Variants in CNTNAP2 observed in about 807,000 individuals in gnomAD.
CNTNAP2 encodes the protein contactin associated protein 2.
In CNTNAP2, 98 loss-of-function variants were observed where a neutral mutation model predicts 155.2. The ratio of observed to expected loss-of-function variants is 0.63; its 90% CI spans 0.54 to 0.75. The LOEUF is 0.75. Among genes scored for constraint, CNTNAP2 ranks in the 30% least tolerant of loss-of-function variants. CNTNAP2 has a pLI of 0.00. For missense variants in CNTNAP2, 1,727 were observed against 1,688.1 expected (o/e 1.02, Z -0.40); for synonymous variants, 651 against 631.2 (o/e 1.03, Z -0.47).
chr7:146,694,928 C>G (rs565048386), intron 1 of CNTNAP2, among the ~76,000 whole-genome samples: 25 of 152,252 alleles, frequency 1.6e-4, no homozygotes, highest in African/African-American at 5.8e-4. Flanking sequence ...AACTTTTGCA[C>G]ATTAACCTTG....
At chr7:146,746,424 A>G (rs1801811222) in intron 1 of CNTNAP2, among the ~76,000 whole-genome samples, 1 of 152,160 alleles carries the variant, frequency 6.6e-6, no homozygotes, top group African/African-American at 2.4e-5. Flanking sequence ...CAAGATCAGG[A>G]GAAAATTATA....
chr7:147,933,597 G>A (rs985982409), intron 14 of CNTNAP2, among the ~76,000 whole-genome samples: 9 of 152,172 alleles, frequency 5.9e-5, no homozygotes, highest in Admixed American at 2.6e-4. Flanking sequence ...GGGCGTGGTG[G>A]CTCACACCTG....
intron 1 of CNTNAP2, among the ~76,000 whole-genome samples, chr7:146,336,500 A>G (rs991456621): frequency 6.6e-6 from 1 of 151,964 alleles, no homozygotes; most frequent in African/African-American, 2.4e-5. Flanking sequence ...GCCTGCTGAC[A>G]TGTTCTTAGA....
chr7:148,105,589 T>A (rs10255471), intron 15 of CNTNAP2, among the ~76,000 whole-genome samples: 1,488 of 138,956 alleles, frequency 0.011, 19 homozygotes, highest in African/African-American at 0.047. Flanking sequence ...TTTTTTATTT[T>A]TTTTTTTTAT....
chr7:146,458,733 G>T (rs371233120), intron 1 of CNTNAP2, among the ~76,000 whole-genome samples: 3 of 152,252 alleles, frequency 2.0e-5, no homozygotes, highest in East Asian at 3.9e-4. Flanking sequence ...GGTGGGCTTT[G>T]AGTAAAGTAG....
At chr7:147,495,775 T>A (rs1798696181) in intron 11 of CNTNAP2, among the ~76,000 whole-genome samples, 1 of 152,176 alleles carries the variant, frequency 6.6e-6, no homozygotes, top group African/African-American at 2.4e-5. Flanking sequence ...ACAACTTATA[T>A]CCATTAGAAC....
At chr7:146,123,514 A>G (rs1184320540) in intron 1 of CNTNAP2, among the ~76,000 whole-genome samples, 1 of 152,180 alleles carries the variant, frequency 6.6e-6, no homozygotes, top group Non-Finnish European at 1.5e-5. Context: ...TGGAACATCT[A>G]AGATGGAATC....
intron 1 of CNTNAP2, among the ~76,000 whole-genome samples, chr7:146,121,842 ATAAG>A (rs1797568029): frequency 6.6e-6 from 1 of 152,182 alleles, no homozygotes; most frequent in South Asian, 2.1e-4. Context: ...TGCCATTTTA[ATAAG>A]TAAGAATAAT....
chr7:147,076,403 T>C (rs552905933), intron 4 of CNTNAP2, among the ~76,000 whole-genome samples: 61 of 152,314 alleles, frequency 4.0e-4, no homozygotes, highest in South Asian at 8.3e-4. Flanking sequence ...CATTTTTTCA[T>C]GTGTCTGTTG....
intron 9 of CNTNAP2, among the ~76,000 whole-genome samples, chr7:147,346,133 A>ATTT (rs1563168699): frequency 4.0e-5 from 2 of 49,902 alleles, no homozygotes; most frequent in African/African-American, 3.2e-4. Context: ...CGAAGATTTT[A>ATTT]TTTTATTTTA....
At chr7:146,828,196 C>T (rs11762685) in intron 2 of CNTNAP2, among the ~76,000 whole-genome samples, 1 of 151,846 alleles carries the variant, frequency 6.6e-6, no homozygotes, top group African/African-American at 2.4e-5. Context: ...AGGAAATGAC[C>T]AGACTCATTA....
intron 1 of CNTNAP2, among the ~76,000 whole-genome samples, chr7:146,310,383 T>A (rs528720062): frequency 6.6e-6 from 1 of 152,322 alleles, no homozygotes; most frequent in African/African-American, 2.4e-5. Flanking sequence ...AACTGAATTA[T>A]TTCTGATTCC....
intron 1 of CNTNAP2, among the ~76,000 whole-genome samples, chr7:146,497,690 T>C (rs895483965): frequency 1.3e-5 from 2 of 151,734 alleles, no homozygotes; most frequent in African/African-American, 4.8e-5. Flanking sequence ...ATTGAATATT[T>C]TTTGATGTGA....
In CNTNAP2 at chr7:148,415,953, A is replaced by G; in HGVS notation, c.*337A>G. ...TTCTAAAGACCCGTGGTAACAGGGC[A>G]AGTTTTCTACGTTTTTAAGAGCCCT... On this transcript the variant is annotated 3_prime_UTR_variant, in exon 24 of 24. Transcript: ENST00000361727. The G allele has an allele frequency of 3.1e-6, 1 of 322,986 alleles. No homozygotes were observed. The highest frequency in any genetic ancestry group is 5.6e-6 in the Non-Finnish European group (1 of 177,150). 20.0% of individuals were successfully genotyped at this position (322,986 alleles called of 1,614,324 possible).
rs1002802862 is a variant in CNTNAP2 at position 147,815,775 on chromosome 7, G to C, written c.2099-87790G>C. ...AACATGTTTTGAGTTGTTCTTCAAG[G>C]GTTCAATCCACGAATAGCTTGTATG... is the stretch of plus-strand genomic sequence containing the variant. On this transcript the variant is annotated intron_variant, in intron 13 of 23. Coordinates refer to ENST00000361727, the MANE Select transcript of CNTNAP2 (RefSeq NM_014141.6). Among the ~76,000 whole-genome samples, 4 of 152,074 alleles carry C rather than the reference G, an allele frequency of 2.6e-5. No individual in the cohort carries two copies. In the East Asian group the frequency reaches 7.7e-4, roughly 29 times the overall value.
At chr7:146,253,055 A>T (rs1348073093) in intron 1 of CNTNAP2, among the ~76,000 whole-genome samples, 3 of 152,194 alleles carry the variant, frequency 2.0e-5, no homozygotes, top group Non-Finnish European at 4.4e-5. Flanking sequence ...TAATAAAAGT[A>T]TTTTTATGAG....
chr7:147,385,412 C>T (rs1429157697), intron 9 of CNTNAP2, among the ~76,000 whole-genome samples: 2 of 152,188 alleles, frequency 1.3e-5, no homozygotes, highest in African/African-American at 4.8e-5. Context: ...CCTTTCTGCT[C>T]ATGAGCCTGT....
At chr7:147,527,330 G>T (rs1040988501) in intron 11 of CNTNAP2, among the ~76,000 whole-genome samples, 62 of 151,962 alleles carry the variant, frequency 4.1e-4, no homozygotes, top group Non-Finnish European at 3.2e-4. Context: ...GCCAAGACAG[G>T]TATTTCTTTT....
At chr7:146,171,498 A>T (rs937144891) in intron 1 of CNTNAP2, among the ~76,000 whole-genome samples, 2 of 152,170 alleles carry the variant, frequency 1.3e-5, no homozygotes, top group Admixed American at 6.5e-5. Context: ...TTTAAATCTC[A>T]CTTAATTATA....
Sources: allele counts gnomAD v4.1 joint callset (sites outside exome capture counted in the v4.1 genomes callset), GRCh38; gene constraint gnomAD v4.1.1; transcripts MANE v1.5; gene names NCBI Gene and HGNC (gene_info 2026-07-23, HGNC 2026-07-21).